CBX7: variants seen among roughly 807,000 people sequenced by gnomAD.
CBX7 encodes chromobox protein homolog 7.
Under a neutral mutation model 31.4 loss-of-function variants are expected in CBX7, and 14 were observed. That is an observed-to-expected ratio of 0.45 (90% CI 0.29 to 0.70). CBX7 has a LOEUF of 0.70. CBX7 is among the 30% of genes least tolerant of loss of function. The pLI is 0.11. For synonymous variants in CBX7, 159 were observed against 152.6 expected (o/e 1.04, Z -0.31); for missense variants, 269 against 351.9 (o/e 0.76, Z 1.89).
At chr22:39,145,956 C>T (rs996981143) in intron 2 of CBX7, among the ~76,000 whole-genome samples, 6 of 152,122 alleles carry the variant, frequency 3.9e-5, no homozygotes, top group Admixed American at 1.3e-4. Flanking sequence ...GGTTTGGAGG[C>T]GCTGCTGAGC....
chr22:39,140,769 G>A (rs1234100370), intron 3 of CBX7, among the ~76,000 whole-genome samples: 1 of 152,178 alleles, frequency 6.6e-6, no homozygotes, highest in Non-Finnish European at 1.5e-5. Context: ...GAACTGTTAG[G>A]GTGTGCCCAG....
chr22:39,142,698 T>C (rs946028081), intron 2 of CBX7, among the ~76,000 whole-genome samples: 1 of 152,234 alleles, frequency 6.6e-6, no homozygotes, highest in Admixed American at 6.5e-5. Flanking sequence ...CTTCCATAAA[T>C]GGAAAAACCA....
intron 3 of CBX7, among the ~76,000 whole-genome samples, chr22:39,139,831 G>A (rs1488936505): frequency 6.6e-6 from 1 of 151,998 alleles, no homozygotes; most frequent in Non-Finnish European, 1.5e-5. Flanking sequence ...TCAGGAGGCT[G>A]AGGCAGGAGA....
At chr22:39,134,127 C>CATA in intron 5 of CBX7, 79 bp from the exon 6 acceptor site, 1 of 1,397,446 alleles carries the variant, frequency 7.2e-7, no homozygotes, top group Non-Finnish European at 9.7e-7. Context: ...GACCCCAACT[C>CATA]CAGCTCCTCC....
chr22:39,135,527 G>A (rs1930222106), intron 4 of CBX7: 1 of 144,304 alleles, frequency 6.9e-6, no homozygotes, highest in South Asian at 2.2e-4. Context: ...GCTACCAGAG[G>A]TCAGGAGCTC....
chr22:39,152,020 C>G lies in CBX7; in HGVS notation c.69+356G>C, dbSNP rs1439153035. On this transcript the variant is annotated intron_variant, in intron 1 of 5. Transcript: ENST00000216133. This position sits in a 1 kb window ranked among gnomAD's most constrained non-coding sequence, Gnocchi z 4.9. Reference sequence around the variant, plus strand: ...GCGTCCAGAGTCCCGAGTTCAAAACCCAGCTCTGACCATAACGCGCTAGGC... The same window carrying G: ...GCGTCCAGAGTCCCGAGTTCAAAACGCAGCTCTGACCATAACGCGCTAGGC... Among the ~76,000 whole-genome samples, 2 of 152,144 alleles carry G rather than the reference C, an allele frequency of 1.3e-5. No homozygotes were observed. The highest frequency in any genetic ancestry group is 1.9e-4 in the East Asian group (1 of 5,184).
chr22:39,137,144 G>A (rs536056265), intron 4 of CBX7, among the ~76,000 whole-genome samples: 11 of 152,204 alleles, frequency 7.2e-5, no homozygotes, highest in Admixed American at 1.3e-4. Flanking sequence ...TTCCTTATCC[G>A]AAATGCTTGG....
In CBX7 at chr22:39,134,429, C is replaced by T. The variant is rs1244408573; in HGVS notation, c.570G>A (p.Glu190=). 4 of 1,602,586 alleles carry T rather than the reference C, an allele frequency of 2.5e-6. No homozygotes were observed. Among genetic ancestry groups the T allele is most frequent in the Non-Finnish European group, 3.4e-6 (4 of 1,179,578 alleles). ...PDVLQAAGEW[E]PAAQPPEEEA... is the part of the protein sequence containing the mutation. Reference sequence around the variant, plus strand: ...CCTCTTCAGGGGGCTGCGCAGCAGGCTCCCACTCGCCAGCCGCCTGCAGGA... The same window carrying T: ...CCTCTTCAGGGGGCTGCGCAGCAGGTTCCCACTCGCCAGCCGCCTGCAGGA... Residue 190 remains glutamate, a synonymous_variant, in exon 5 of 6, where the codon GAG becomes GAA. Coordinates refer to ENST00000216133, the MANE Select transcript of CBX7 (RefSeq NM_175709.5).
chr22:39,142,749 T>TA (rs935839080), intron 2 of CBX7, among the ~76,000 whole-genome samples: 22 of 152,310 alleles, frequency 1.4e-4, no homozygotes, highest in Non-Finnish European at 2.9e-4. Flanking sequence ...ACTTTTCCAT[T>TA]AAAAACAATA....
In CBX7 at chr22:39,133,648, A is replaced by G. The variant is rs902455848; in HGVS notation, c.*243T>C. The G allele has an allele frequency of 2.4e-6, 1 of 409,694 alleles. No homozygotes were observed. The highest frequency in any genetic ancestry group is 2.1e-5 in the African/African-American group (1 of 48,608). The allele number at this position is 409,694 out of a possible 1,614,324, so 25.4% of individuals were successfully genotyped here. ...GTCCCGGGCAGGTGATCCTGTCCCCATCCTGCCCTGGGGGTGGTACCCCAA... is the reference window on the plus strand; with the variant it reads ...GTCCCGGGCAGGTGATCCTGTCCCCGTCCTGCCCTGGGGGTGGTACCCCAA... On this transcript the variant is annotated 3_prime_UTR_variant, in exon 6 of 6. Transcript: ENST00000216133.
chr22:39,152,523 G>A lies in CBX7; in HGVS notation c.-79C>T, dbSNP rs1930901157. On this transcript the variant is annotated 5_prime_UTR_variant, in exon 1 of 6. Coordinates refer to ENST00000216133, the MANE Select transcript of CBX7 (RefSeq NM_175709.5). The surrounding 1 kb of genome is among the most constrained non-coding windows in gnomAD (Gnocchi z 4.9). Reference sequence around the variant, plus strand: ...CGGGGCCGCGGCTGCGGCGCGCGATGCTGGGGCTGGCGGGGTCCCCGTCAC... The same window carrying A: ...CGGGGCCGCGGCTGCGGCGCGCGATACTGGGGCTGGCGGGGTCCCCGTCAC... 3.3e-6 allele frequency: 2 copies of A among 611,404 alleles called. No homozygotes were observed. The highest frequency in any genetic ancestry group is 4.1e-6 in the Non-Finnish European group (2 of 489,342). The allele number at this position is 611,404 out of a possible 1,614,324, so 37.9% of individuals were successfully genotyped here. A position where few individuals can be genotyped will look rare whatever the true frequency, so the allele number is the denominator to read the frequency against.
At chr22:39,149,560 A>C (rs977510699) in intron 2 of CBX7, 31 of 568,360 alleles carry the variant, frequency 5.5e-5, no homozygotes, top group African/African-American at 5.3e-4. Flanking sequence ...AGAGGAGCTC[A>C]ACACTCAGGA....
At chr22:39,148,422 G>A (rs1930735883) in intron 2 of CBX7, 2 of 152,298 alleles carry the variant, frequency 1.3e-5, no homozygotes, top group Non-Finnish European at 2.9e-5. Flanking sequence ...TGTCCTGAAG[G>A]CTAACAGCTG....
chr22:39,143,310 A>G (rs1253075516), intron 2 of CBX7, among the ~76,000 whole-genome samples: 2 of 151,934 alleles, frequency 1.3e-5, no homozygotes, highest in Admixed American at 6.5e-5. Flanking sequence ...AAACTTTAAA[A>G]GTAAAATAAA....
chr22:39,151,676 C>A (rs1222407066), intron 1 of CBX7, among the ~76,000 whole-genome samples: 1 of 152,214 alleles, frequency 6.6e-6, no homozygotes, highest in Admixed American at 6.5e-5. Flanking sequence ...GTGTAGACGC[C>A]AGGCCCGGAC....
At chr22:39,145,273 G>GCCGCGCCGCA (rs934695641) in intron 2 of CBX7, among the ~76,000 whole-genome samples, 1 of 151,330 alleles carries the variant, frequency 6.6e-6, no homozygotes, top group South Asian at 2.1e-4. Context: ...TAAGGAGGAC[G>GCCGCGCCGCA]CCGCGCCGCA....
chr22:39,131,872 A>T lies in CBX7; in HGVS notation c.*2019T>A, dbSNP rs940578169. The T allele has an allele frequency of 6.6e-6, 1 of 151,384 alleles. No homozygotes were observed. The highest frequency in any genetic ancestry group is 2.4e-5 in the African/African-American group (1 of 41,124). The allele number at this position is 151,384 out of a possible 1,614,324, so 9.4% of individuals were successfully genotyped here. The stretch of plus-strand genomic sequence containing the variant: ...CATGGGCCAAAACATTCAACTAGAG[A>T]CCCCCCACAACCCTCTATCATCTTT... On this transcript the variant is annotated 3_prime_UTR_variant, in exon 6 of 6. Coordinates refer to ENST00000216133, the MANE Select transcript of CBX7 (RefSeq NM_175709.5).
chr22:39,145,538 G>A (rs114937418), intron 2 of CBX7, among the ~76,000 whole-genome samples: 3,548 of 152,188 alleles, frequency 0.023, 145 homozygotes, highest in African/African-American at 0.082. Context: ...CTCGTTGCCT[G>A]GGCTGCGCGG....
At chr22:39,145,710 G>T (rs1449016804) in intron 2 of CBX7, among the ~76,000 whole-genome samples, 1 of 149,442 alleles carries the variant, frequency 6.7e-6, no homozygotes. Flanking sequence ...GGGATTACCG[G>T]CAAACCGAGG....
Sources: gnomAD v4.1 joint callset for allele counts (sites outside exome capture counted in the v4.1 genomes callset) on GRCh38, gnomAD v4.1.1 for gene constraint, Gnocchi (gnomAD v3.1) non-coding constraint, MANE v1.5 for transcripts, NCBI Gene and HGNC (gene_info 2026-07-23, HGNC 2026-07-21) for gene names.